SHANK2: variants seen among roughly 807,000 people sequenced by gnomAD.
The protein encoded by SHANK2 is SH3 and multiple ankyrin repeat domains 2, also known as SH3 and multiple ankyrin repeat domains protein 2.
A neutral mutation model predicts 133.7 loss-of-function variants in SHANK2; 43 were observed. That is an observed-to-expected ratio of 0.32 (90% CI 0.25 to 0.41). The LOEUF is 0.41. Among genes scored for constraint, SHANK2 ranks in the 10% least tolerant of loss-of-function variants. The probability of loss-of-function intolerance (pLI) is 1.00; values close to 1 mark genes in which losing one functional copy is unlikely to be tolerated. For synonymous variants in SHANK2, 1,017 were observed against 952.8 expected, an observed-to-expected ratio of 1.07 and a Z score of -1.24; for missense variants, 1,994 against 2,235.8, an observed-to-expected ratio of 0.89 and a Z score of 2.18.
At chr11:70,744,005 C>T (rs1452497000) in intron 14 of SHANK2, among the ~76,000 whole-genome samples, 2 of 152,206 alleles carry the variant, frequency 1.3e-5, no homozygotes, top group Non-Finnish European at 2.9e-5. Flanking sequence ...CAGCCCCACA[C>T]CTGGCCTCAG....
intron 1 of SHANK2, among the ~76,000 whole-genome samples, chr11:71,243,530 T>C (rs541111847): frequency 2.0e-5 from 3 of 152,138 alleles, no homozygotes; most frequent in South Asian, 4.2e-4. Flanking sequence ...CCGTCTCTAC[T>C]AAAAATACAA....
chr11:70,848,906 C>T (rs570632801), intron 11 of SHANK2, among the ~76,000 whole-genome samples: 4 of 152,262 alleles, frequency 2.6e-5, no homozygotes, highest in Non-Finnish European at 4.4e-5. Context: ...GTGCATGATG[C>T]TGGGAGACAA....
intron 13 of SHANK2, among the ~76,000 whole-genome samples, chr11:70,799,090 G>A (rs138828250): frequency 1.1e-4 from 17 of 152,254 alleles, no homozygotes; most frequent in African/African-American, 4.1e-4. Context: ...CTAAACAAGC[G>A]TGCGGAAGGA....
chr11:71,121,372 A>C (rs1952081285), intron 3 of SHANK2, among the ~76,000 whole-genome samples: 1 of 152,238 alleles, frequency 6.6e-6, no homozygotes, highest in South Asian at 2.1e-4. Flanking sequence ...GGATCTTTGC[A>C]GACGTAATCA....
chr11:70,753,623 G>A (rs980685433), intron 14 of SHANK2, among the ~76,000 whole-genome samples: 27 of 152,028 alleles, frequency 1.8e-4, no homozygotes, highest in African/African-American at 6.5e-4. Flanking sequence ...AAAGACAGAA[G>A]ACACAAATTA....
chr11:70,487,137 G>A lies in SHANK2; in HGVS notation c.3156C>T (p.Ser1052=). The stretch of plus-strand genomic sequence containing the variant: ...CCGGGGCCTGGGGGTCGATCTCCAT[G>A]CTGCTGCCCTGGCTGCTCTTGCCGC... ...SSSGKSSQGS[S]MEIDPQAPEP... is the part of the protein sequence containing the mutation. Residue 1052 remains serine (S), a synonymous_variant, in exon 25 of 26, where the codon AGC becomes AGT. Transcript: ENST00000601538. The surrounding 1 kb of genome is among the most constrained non-coding windows in gnomAD (Gnocchi z 5.8). The A allele has an allele frequency of 6.2e-7, 1 of 1,612,638 alleles. No individual in the cohort carries two copies. Among genetic ancestry groups the A allele is most frequent in the South Asian group, 1.1e-5 (1 of 91,082 alleles).
rs568426073 is a variant in SHANK2, at chr11:70,890,124, A to T, written c.1174+6377T>A. Among the ~76,000 whole-genome samples, 11 of 152,324 alleles carry T rather than the reference A, an allele frequency of 7.2e-5. No homozygotes were observed. The East Asian group carries it at 1.7e-3, about 24-fold the overall frequency. The stretch of plus-strand genomic sequence containing the variant: ...CAGAGGGACATTATCTTCCATGGTC[A>T]TCCCCTCCCCCAAAGGGCCTGGGAC... On this transcript the variant is annotated intron_variant, in intron 11 of 25. Coordinates refer to ENST00000601538, the MANE Select transcript of SHANK2 (RefSeq NM_012309.5).
chr11:70,527,278 G>A (rs2135956149), intron 17 of SHANK2, among the ~76,000 whole-genome samples: 1 of 152,348 alleles, frequency 6.6e-6, no homozygotes, highest in South Asian at 2.1e-4. Flanking sequence ...TGGGGAGGGT[G>A]TGGTGCCGGC....
chr11:70,579,606 G>A (rs907108396), intron 17 of SHANK2, among the ~76,000 whole-genome samples: 3 of 152,316 alleles, frequency 2.0e-5, no homozygotes, highest in African/African-American at 4.8e-5. Context: ...GGTGTCTCCC[G>A]GGCCTGGGCC....
intron 8 of SHANK2, 34 bp downstream of exon 8, chr11:71,092,388 G>A: frequency 1.3e-6 from 2 of 1,550,046 alleles, no homozygotes; most frequent in South Asian, 2.4e-5. Flanking sequence ...GTCAGTTCGT[G>A]GGTACAACAG....
intron 9 of SHANK2, among the ~76,000 whole-genome samples, chr11:71,068,963 A>G (rs1025148500): frequency 4.0e-5 from 6 of 151,306 alleles, no homozygotes; most frequent in African/African-American, 1.5e-4. Context: ...TATCACCATG[A>G]CCACCCTCAC....
At position 71,147,121 on chromosome 11, in the gene SHANK2, G is replaced by C; in HGVS notation, c.206C>G (p.Thr69Arg). ...IRVVIHDLQQ[T>R]KCIRFNPDAT... ...CAAAGGGCAGACCACGGGGCTCACC[G>C]TCTGCTGCAGGTCATGGATGACCAC... Residue 69 changes from threonine to arginine, a missense_variant and splice_region_variant, in exon 3 of 26, where the codon ACG becomes AGG. Coordinates refer to ENST00000601538, the MANE Select transcript of SHANK2 (RefSeq NM_012309.5). 6.5e-7 allele frequency: 1 copy of C among 1,546,078 alleles called. No homozygotes were observed. Among genetic ancestry groups the C allele is most frequent in the Non-Finnish European group, 8.7e-7 (1 of 1,145,730 alleles).
chr11:70,913,730 T>C (rs1950227470), intron 10 of SHANK2, among the ~76,000 whole-genome samples: 1 of 152,176 alleles, frequency 6.6e-6, no homozygotes, highest in Admixed American at 6.5e-5. Context: ...CCAGACTTCA[T>C]GCGGAAACAT....
intron 14 of SHANK2, among the ~76,000 whole-genome samples, chr11:70,783,130 C>T (rs1223988472): frequency 6.6e-6 from 1 of 152,138 alleles, no homozygotes; most frequent in African/African-American, 2.4e-5. Context: ...AGGGCCCTTC[C>T]CAGAAATGGC....
chr11:71,169,978 T>C (rs1401815809), intron 2 of SHANK2, among the ~76,000 whole-genome samples: 1 of 152,090 alleles, frequency 6.6e-6, no homozygotes, highest in Admixed American at 6.6e-5. Flanking sequence ...CCTGTGAATA[T>C]CCTTTCCAGC....
Position 70,750,961 on chromosome 11 carries a change from A to C in SHANK2, c.1777+47482T>G, listed in dbSNP as rs139428759. ...CAGAGTATCTTAACAAAATATTCCA[A>C]ATGTCCATGATACAGGTTTCATTTA... On this transcript the variant is annotated intron_variant, in intron 14 of 25. Coordinates refer to ENST00000601538, the MANE Select transcript of SHANK2 (RefSeq NM_012309.5). Among the ~76,000 whole-genome samples the C allele has an allele frequency of 3.0e-4, 46 of 152,294 alleles. No individual in the cohort carries two copies. In the East Asian group the frequency reaches 7.7e-3, roughly 26 times the overall value.
chr11:71,231,902 A>G (rs189918030), intron 1 of SHANK2, among the ~76,000 whole-genome samples: 4 of 152,218 alleles, frequency 2.6e-5, no homozygotes, highest in African/African-American at 7.2e-5. Flanking sequence ...AAAAAAAAAA[A>G]GACAAAGAAA....
At chr11:70,762,609 A>T (rs1452800970) in intron 14 of SHANK2, among the ~76,000 whole-genome samples, 1 of 152,114 alleles carries the variant, frequency 6.6e-6, no homozygotes, top group Non-Finnish European at 1.5e-5. Context: ...TCCAGTACAG[A>T]GGTGCACAGA....
At chr11:71,161,800 T>C (rs1397090396) in intron 2 of SHANK2, among the ~76,000 whole-genome samples, 4 of 152,242 alleles carry the variant, frequency 2.6e-5, no homozygotes, top group Non-Finnish European at 5.9e-5. Flanking sequence ...CTTGGGCACA[T>C]GTTCTCAGAC....
Sources: allele counts gnomAD v4.1 joint callset (sites outside exome capture counted in the v4.1 genomes callset), GRCh38; gene constraint gnomAD v4.1.1; non-coding constraint Gnocchi (gnomAD v3.1); transcripts MANE v1.5; gene names NCBI Gene and HGNC (gene_info 2026-07-23, HGNC 2026-07-21).